Variants in LRRC4C observed in about 807,000 individuals in gnomAD.
LRRC4C encodes leucine rich repeat containing 4C, also known as leucine-rich repeat-containing protein 4C.
LRRC4C carries 5 observed loss-of-function variants against 33.6 expected under a neutral mutation model. The ratio of observed to expected loss-of-function variants is 0.15; its 90% CI spans 0.08 to 0.31. LRRC4C has a LOEUF of 0.31. Ranked by LOEUF, LRRC4C falls within the 10% of genes least tolerant of loss-of-function variation. The pLI, the probability that LRRC4C is intolerant of heterozygous loss-of-function variation, is 1.00. For synonymous variants in LRRC4C, 329 were observed against 302.0 expected (o/e 1.09, Z -0.93); for missense variants, 560 against 796.7 (o/e 0.70, Z 3.58).
At chr11:40,922,488 G>A (rs972970179) in intron 2 of LRRC4C, among the ~76,000 whole-genome samples, 1 of 152,098 alleles carries the variant, frequency 6.6e-6, no homozygotes, top group African/African-American at 2.4e-5. Flanking sequence ...ATTCTTTACT[G>A]CTATTGCATT....
chr11:40,569,469 C>T (rs183474890), intron 3 of LRRC4C, among the ~76,000 whole-genome samples: 106 of 152,218 alleles, frequency 7.0e-4, no homozygotes, highest in African/African-American at 2.5e-3. Flanking sequence ...CATTTATTAA[C>T]TCCTAAAAGC....
intron 1 of LRRC4C, among the ~76,000 whole-genome samples, chr11:41,364,036 T>C (rs1952447435): frequency 6.6e-6 from 1 of 152,024 alleles, no homozygotes; most frequent in African/African-American, 2.4e-5. Flanking sequence ...ACACACTAGA[T>C]GCCTTTTAAG....
chr11:41,037,372 C>G (rs1233681739), intron 1 of LRRC4C, among the ~76,000 whole-genome samples: 3 of 151,598 alleles, frequency 2.0e-5, no homozygotes, highest in Non-Finnish European at 2.9e-5. Flanking sequence ...CCAAGTCTCA[C>G]TCTGTCACCT....
intron 4 of LRRC4C, among the ~76,000 whole-genome samples, chr11:40,270,179 C>T (rs1345638301): frequency 6.6e-6 from 1 of 152,164 alleles, no homozygotes; most frequent in Non-Finnish European, 1.5e-5. Flanking sequence ...GGAAACACTG[C>T]ACTGCCACTG....
chr11:40,140,091 G>A (rs1258294622), intron 6 of LRRC4C, among the ~76,000 whole-genome samples: 1 of 152,174 alleles, frequency 6.6e-6, no homozygotes, highest in Non-Finnish European at 1.5e-5. Flanking sequence ...TAATAATAAA[G>A]TTTTTGGAAG....
intron 1 of LRRC4C, among the ~76,000 whole-genome samples, chr11:41,003,282 C>G (rs1030691407): frequency 2.0e-5 from 3 of 151,812 alleles, no homozygotes; most frequent in African/African-American, 7.3e-5. Context: ...GCAAAAATGT[C>G]TATATGTAAA....
intron 4 of LRRC4C, 99 bp downstream of exon 4, chr11:40,319,529 G>C (rs1236003224): frequency 6.6e-6 from 1 of 152,066 alleles, no homozygotes; most frequent in African/African-American, 2.4e-5. Flanking sequence ...TTTTCTATTT[G>C]TCTATTTTTT....
chr11:40,122,010 T>C (rs1402854429), intron 6 of LRRC4C, among the ~76,000 whole-genome samples: 3 of 152,114 alleles, frequency 2.0e-5, no homozygotes, highest in African/African-American at 7.2e-5. Context: ...TCTTTCCTCT[T>C]CTGGGGCTCT....
At chr11:40,881,883 G>A (rs1263540297) in intron 2 of LRRC4C, among the ~76,000 whole-genome samples, 2 of 151,956 alleles carry the variant, frequency 1.3e-5, no homozygotes, top group Admixed American at 6.6e-5. Context: ...TATTGAACAT[G>A]AGCAAGGCAG....
chr11:41,135,701 C>A (rs1439490590), intron 1 of LRRC4C, among the ~76,000 whole-genome samples: 1 of 152,080 alleles, frequency 6.6e-6, no homozygotes. Context: ...AATAAATGCT[C>A]AATAAAAGTG....
chr11:40,660,419 G>A (rs1943375016), intron 2 of LRRC4C, among the ~76,000 whole-genome samples: 1 of 152,152 alleles, frequency 6.6e-6, no homozygotes, highest in Non-Finnish European at 1.5e-5. Context: ...GTTTCTGGCT[G>A]GAAAAGCAAA....
intron 1 of LRRC4C, among the ~76,000 whole-genome samples, chr11:40,937,592 A>AGT (rs1957958666): frequency 8.3e-6 from 1 of 120,200 alleles, no homozygotes; most frequent in South Asian, 2.9e-4. Context: ...ACTCTTCTTG[A>AGT]GTGTGTGTAT....
At chr11:40,655,630 T>A (rs1309406559) in intron 2 of LRRC4C, among the ~76,000 whole-genome samples, 4 of 152,168 alleles carry the variant, frequency 2.6e-5, no homozygotes, top group South Asian at 2.1e-4. Context: ...GCTTTGCACT[T>A]TGCTCACAAA....
intron 2 of LRRC4C, among the ~76,000 whole-genome samples, chr11:40,865,591 AAAAT>A (rs898538722): frequency 3.3e-5 from 5 of 151,514 alleles, no homozygotes; most frequent in South Asian, 4.2e-4. Context: ...CTCAGTTTCA[AAAAT>A]AAATAAATTT....
chr11:40,299,875 C>T (rs1944686335), intron 4 of LRRC4C, among the ~76,000 whole-genome samples: 1 of 152,194 alleles, frequency 6.6e-6, no homozygotes, highest in Non-Finnish European at 1.5e-5. Context: ...ACAGTAGCTA[C>T]CTCAATGTGG....
At chr11:41,253,503 C>T (rs1948707213) in intron 1 of LRRC4C, among the ~76,000 whole-genome samples, 1 of 152,034 alleles carries the variant, frequency 6.6e-6, no homozygotes, top group Non-Finnish European at 1.5e-5. Context: ...TTAGTCTAAG[C>T]TGCATTTCAT....
chr11:40,165,242 G>T (rs77073498), intron 5 of LRRC4C, among the ~76,000 whole-genome samples: 1 of 152,006 alleles, frequency 6.6e-6, no homozygotes, highest in Non-Finnish European at 1.5e-5. Flanking sequence ...ATATATATTC[G>T]CATGTCTGTA....
rs77235458 is a variant in LRRC4C at position 41,327,390 on chromosome 11, G to A, written c.-496+132041C>T. The stretch of plus-strand genomic sequence containing the variant: ...CTTTCTACCTTCCTTTGATATGTTA[G>A]TGTACCAATATGTGATTTATTTTTG... On this transcript the variant is annotated intron_variant, in intron 1 of 6. Coordinates refer to ENST00000528697, the MANE Select transcript of LRRC4C (RefSeq NM_001258419.2). Among the ~76,000 whole-genome samples the A allele has an allele frequency of 2.4e-4, 36 of 152,276 alleles. No individual in the cohort carries two copies. In the East Asian group the frequency reaches 6.6e-3, roughly 28 times the overall value.
intron 1 of LRRC4C, among the ~76,000 whole-genome samples, chr11:40,934,726 A>T (rs897215719): frequency 6.6e-6 from 1 of 152,108 alleles, no homozygotes; most frequent in Non-Finnish European, 1.5e-5. Context: ...TTCCTAGTAG[A>T]CTAACTCCCA....
Sources: gnomAD v4.1 joint callset for allele counts (sites outside exome capture counted in the v4.1 genomes callset) on GRCh38, gnomAD v4.1.1 for gene constraint, MANE v1.5 for transcripts, NCBI Gene and HGNC (gene_info 2026-07-23, HGNC 2026-07-21) for gene names.